The following STX18 variants were observed in gnomAD, a reference collection of about 807,000 sequenced individuals.
STX18 encodes syntaxin 18.
STX18 carries 40 observed loss-of-function variants against 50.1 expected under a neutral mutation model. That is an observed-to-expected ratio of 0.80 (90% CI 0.62 to 1.04). The LOEUF is 1.04. STX18 is among the 50% of genes least tolerant of loss of function. The pLI, the probability that STX18 is intolerant of heterozygous loss-of-function variation, is 0.00. For synonymous variants in STX18, 158 were observed against 151.8 expected, an observed-to-expected ratio of 1.04 and a Z score of -0.30; for missense variants, 410 against 415.8, an observed-to-expected ratio of 0.99 and a Z score of 0.12.
At chr4:4,526,800 C>T (rs557519365) in intron 1 of STX18, among the ~76,000 whole-genome samples, 1 of 151,186 alleles carries the variant, frequency 6.6e-6, no homozygotes, top group East Asian at 1.9e-4. Flanking sequence ...GAGACTCTAT[C>T]TCCAAAAAAA....
At chr4:4,472,453 C>T (rs376438983) in intron 1 of STX18, among the ~76,000 whole-genome samples, 2 of 152,180 alleles carry the variant, frequency 1.3e-5, no homozygotes, top group African/African-American at 4.8e-5. Context: ...GGTCCTCTGA[C>T]GACGTCTTAC....
Position 4,459,476 on chromosome 4 carries a change from G to C in STX18, c.248C>G (p.Ser83Cys), listed in dbSNP as rs367680008. 1.9e-6 allele frequency: 3 copies of C among 1,613,074 alleles called. No homozygotes were observed. In the African/African-American group the frequency reaches 4.0e-5, roughly 22 times the overall value. Reference sequence around the variant, plus strand: ...TGTGTCTGTCATCCTCCCATATTCAGACATGGTATGGCTAAAAAAAGACAG... The same window carrying C: ...TGTGTCTGTCATCCTCCCATATTCACACATGGTATGGCTAAAAAAAGACAG... The part of the protein sequence containing the change: ...DYINAYSHTM[S>C]EYGRMTDTER... The change falls in exon 3 of 11, where the codon TCT (serine) becomes TGT (cysteine). Residue 83 changes from serine to cysteine, a missense_variant. Ser to Cys is a moderately radical substitution (Grantham distance 112). Transcript: ENST00000306200.
At chr4:4,473,031 C>T (rs568200178) in intron 1 of STX18, among the ~76,000 whole-genome samples, 57 of 152,272 alleles carry the variant, frequency 3.7e-4, no homozygotes, top group African/African-American at 1.4e-3. Context: ...GTCCACCATC[C>T]CTGACACTGC....
intron 2 of STX18, among the ~76,000 whole-genome samples, chr4:4,460,384 C>G (rs999838494): frequency 5.3e-5 from 8 of 152,122 alleles, no homozygotes; most frequent in Non-Finnish European, 1.0e-4. Flanking sequence ...TCCTCCTAAA[C>G]CGATTTTTCC....
chr4:4,495,848 C>G (rs1296326636), intron 1 of STX18, among the ~76,000 whole-genome samples: 7 of 151,966 alleles, frequency 4.6e-5, no homozygotes, highest in Non-Finnish European at 8.8e-5. Context: ...AGAAATGGAA[C>G]AAGTTAAAAT....
Position 4,507,591 on chromosome 4 carries a change from G to A in STX18, c.168+34206C>T. The A allele has an allele frequency of 5.2e-6, 4 of 763,812 alleles. No homozygotes were observed. In the South Asian group the frequency reaches 5.5e-5, roughly 10 times the overall value. The allele number at this position is 763,812 out of a possible 1,614,324, so 47.3% of individuals were successfully genotyped here. A position where few individuals can be genotyped will look rare whatever the true frequency, so the allele number is the denominator to read the frequency against. ...GACAGCTGTGCACGACGCAAGCCTT[G>A]AGGACTTGATCTTCCCAAGCGAAAT... On this transcript the variant is annotated intron_variant, in intron 1 of 10. Coordinates refer to ENST00000306200, the MANE Select transcript of STX18 (RefSeq NM_016930.4).
intron 1 of STX18, among the ~76,000 whole-genome samples, chr4:4,485,408 C>T (rs1728655459): frequency 6.6e-6 from 1 of 152,148 alleles, no homozygotes; most frequent in Admixed American, 6.5e-5. Context: ...TTTAAAAGGC[C>T]ACAAGGCCAC....
intron 1 of STX18, among the ~76,000 whole-genome samples, chr4:4,508,244 TTAAG>T (rs1210071658): frequency 6.6e-6 from 1 of 152,204 alleles, no homozygotes; most frequent in Non-Finnish European, 1.5e-5. Flanking sequence ...TCATGGTGTC[TTAAG>T]TATGTCATAT....
At position 4,423,699 on chromosome 4, in the gene STX18, G is replaced by GA. The variant is rs1725087327; in HGVS notation, c.762-113_762-112insT. Reference sequence around the variant, plus strand: ...TCTACGTGAAGGTGGGAGAGACAGGGGGCACACTGTGTCGGCTGGGGGAAG... The same window carrying GA: ...TCTACGTGAAGGTGGGAGAGACAGGGAGGCACACTGTGTCGGCTGGGGGAAG... On this transcript the variant is annotated intron_variant, in intron 8 of 10. Transcript: ENST00000306200. 47 of 1,044,098 alleles carry GA rather than the reference G, an allele frequency of 4.5e-5. No individual in the cohort carries two copies. The Middle Eastern group carries it at 6.5e-4, about 15-fold the overall frequency. The allele number at this position is 1,044,098 out of a possible 1,614,324, so 64.7% of individuals were successfully genotyped here. A position where few individuals can be genotyped will look rare whatever the true frequency, so the allele number is the denominator to read the frequency against.
At chr4:4,490,092 A>C (rs1208455511) in intron 1 of STX18, among the ~76,000 whole-genome samples, 1 of 152,214 alleles carries the variant, frequency 6.6e-6, no homozygotes, top group African/African-American at 2.4e-5. Context: ...AACTGTAATA[A>C]ATTTACAATA....
intron 1 of STX18, among the ~76,000 whole-genome samples, chr4:4,532,166 A>G (rs1157643793): frequency 1.3e-5 from 2 of 152,256 alleles, no homozygotes; most frequent in Non-Finnish European, 2.9e-5. Context: ...GAGGGATTAC[A>G]TAACCGTATT....
chr4:4,497,187 G>A (rs530960382), intron 1 of STX18, among the ~76,000 whole-genome samples: 1 of 152,316 alleles, frequency 6.6e-6, no homozygotes, highest in African/African-American at 2.4e-5. Flanking sequence ...ACACTCCCCA[G>A]TACAAGGTCT....
At chr4:4,421,437 G>A (rs1279193226) in intron 9 of STX18, among the ~76,000 whole-genome samples, 2 of 151,708 alleles carry the variant, frequency 1.3e-5, no homozygotes, top group Non-Finnish European at 2.9e-5. Context: ...ATTTTTTGTA[G>A]AGATGGGGGG....
At chr4:4,438,341 C>A in intron 6 of STX18, 53 bp downstream of exon 6, 2 of 1,389,942 alleles carry the variant, frequency 1.4e-6, no homozygotes, top group Non-Finnish European at 2.0e-6. Context: ...TGTACTCTTG[C>A]CAACATGTCA....
rs1279344436 is a variant in STX18, at chr4:4,438,376, T to C, written c.613+18A>G. On this transcript the variant is annotated intron_variant, in intron 6 of 10. Coordinates refer to ENST00000306200, the MANE Select transcript of STX18 (RefSeq NM_016930.4). ...ACAAGGAAGAAATGCAAGGTGAGAT[T>C]TTCATCTCAATTCGTACCTGGACGT... The C allele has an allele frequency of 1.9e-6, 3 of 1,563,978 alleles. No individual in the cohort carries two copies. The highest frequency in any genetic ancestry group is 2.6e-6 in the Non-Finnish European group (3 of 1,137,214).
At chr4:4,470,956 ACT>A (rs1353212583) in intron 2 of STX18, among the ~76,000 whole-genome samples, 1 of 152,174 alleles carries the variant, frequency 6.6e-6, no homozygotes, top group Non-Finnish European at 1.5e-5. Context: ...TTTAAAAAAG[ACT>A]CTGGCTACTG....
Position 4,431,911 on chromosome 4 carries a change from G to A in STX18, c.702+2859C>T, listed in dbSNP as rs1238293718. 2.0e-5 allele frequency among the ~76,000 whole-genome samples: 3 copies of A among 152,160 alleles called. No individual in the cohort carries two copies. The East Asian group carries it at 5.8e-4, about 29-fold the overall frequency. On this transcript the variant is annotated intron_variant, in intron 7 of 10. Transcript: ENST00000306200. The stretch of plus-strand genomic sequence containing the variant: ...ATGACTGCTTGGAATCCCTGCGGCT[G>A]TCTTCCTCTAACCACCGACTATACA...
At chr4:4,494,350 C>T (rs1022001414) in intron 1 of STX18, among the ~76,000 whole-genome samples, 2 of 152,066 alleles carry the variant, frequency 1.3e-5, no homozygotes, top group African/African-American at 4.8e-5. Context: ...AGTCCAGCTC[C>T]CCAAATTCCC....
chr4:4,487,930 G>C (rs1290807072), intron 1 of STX18, among the ~76,000 whole-genome samples: 8 of 152,006 alleles, frequency 5.3e-5, no homozygotes, highest in Non-Finnish European at 1.0e-4. Context: ...TTCAACAAAC[G>C]AAGAGGTGAT....
Sources: allele counts gnomAD v4.1 joint callset (sites outside exome capture counted in the v4.1 genomes callset), GRCh38; gene constraint gnomAD v4.1.1; transcripts MANE v1.5; gene names NCBI Gene and HGNC (gene_info 2026-07-23, HGNC 2026-07-21).